Variants in PPARGC1A observed in about 807,000 individuals in gnomAD.
PPARGC1A encodes peroxisome proliferator-activated receptor gamma coactivator 1-alpha.
A neutral mutation model predicts 88.7 loss-of-function variants in PPARGC1A; 25 were observed. The ratio of observed to expected loss-of-function variants is 0.28; its 90% CI spans 0.21 to 0.39. The LOEUF is 0.39. PPARGC1A is among the 10% of genes least tolerant of loss of function. The pLI, the probability that PPARGC1A is intolerant of heterozygous loss-of-function variation, is 1.00. For missense variants in PPARGC1A, 880 were observed against 968.7 expected (o/e 0.91, Z 1.22); for synonymous variants, 363 against 355.6 (o/e 1.02, Z -0.24).
the PPARGC1A span, among the ~76,000 whole-genome samples, chr4:24,094,892 T>TC: frequency 6.6e-6 from 1 of 152,160 alleles, no homozygotes; most frequent in Non-Finnish European, 1.5e-5. Flanking sequence ...AAAGTATGTA[T>TC]AATGACTCTG....
chr4:23,928,759 AAC>A, the PPARGC1A span, among the ~76,000 whole-genome samples: 52,172 of 88,722 alleles, frequency 0.59, 10,181 homozygotes, highest in Non-Finnish European at 0.63. Flanking sequence ...GCCACAAAAA[AAC>A]AAAAAAAACA....
the PPARGC1A span, among the ~76,000 whole-genome samples, chr4:24,472,663 T>TGCTGCCGCCGCC: frequency 6.6e-6 from 1 of 151,496 alleles, no homozygotes; most frequent in Non-Finnish European, 1.5e-5. This position sits in a 1 kb window ranked among gnomAD's most constrained non-coding sequence, Gnocchi z 4.5. Context: ...ATGCTCGGGC[T>TGCTGCCGCCGCC]GCCGCCGCCG....
the PPARGC1A span, among the ~76,000 whole-genome samples, chr4:24,207,782 G>A: frequency 6.6e-6 from 1 of 152,094 alleles, no homozygotes; most frequent in Non-Finnish European, 1.5e-5. Flanking sequence ...TCTAAAACTA[G>A]CCAGAGGAAA....
the PPARGC1A span, among the ~76,000 whole-genome samples, chr4:24,369,815 C>T: frequency 6.6e-6 from 1 of 152,216 alleles, no homozygotes; most frequent in African/African-American, 2.4e-5. Flanking sequence ...CCAAGACTTT[C>T]GTGCCCGCCA....
At chr4:24,244,076 T>G in the PPARGC1A span, among the ~76,000 whole-genome samples, 4 of 152,168 alleles carry the variant, frequency 2.6e-5, no homozygotes, top group African/African-American at 9.7e-5. Context: ...CCTTGGGGCT[T>G]CCTAATAGAA....
chr4:24,020,386 A>G, the PPARGC1A span, among the ~76,000 whole-genome samples: 4 of 152,296 alleles, frequency 2.6e-5, no homozygotes, highest in South Asian at 2.1e-4. Flanking sequence ...TTGAGGGACA[A>G]TTAATATTGA....
chr4:24,210,612 G>A, the PPARGC1A span, among the ~76,000 whole-genome samples: 1 of 152,178 alleles, frequency 6.6e-6, no homozygotes. Context: ...GGGCACAGAC[G>A]CTGGGCACCT....
intron 3 of PPARGC1A, among the ~76,000 whole-genome samples, chr4:23,830,355 G>A (rs1327651623): frequency 1.3e-5 from 2 of 152,150 alleles, no homozygotes; most frequent in African/African-American, 4.8e-5. Flanking sequence ...TTCACTGGAT[G>A]ACCCTCAAGG....
chr4:23,954,427 CTT>C, the PPARGC1A span, among the ~76,000 whole-genome samples: 8 of 151,952 alleles, frequency 5.3e-5, no homozygotes, highest in Non-Finnish European at 8.8e-5. Flanking sequence ...TATATACTCT[CTT>C]ATATTAAAAA....
intron 2 of PPARGC1A, among the ~76,000 whole-genome samples, chr4:23,844,738 A>C (rs183973206): frequency 0.051 from 1,555 of 30,272 alleles, 91 homozygotes; most frequent in African/African-American, 0.19. Context: ...AATATATGAT[A>C]TATCATAATA....
the PPARGC1A span, among the ~76,000 whole-genome samples, chr4:23,943,412 C>A: frequency 6.9e-6 from 1 of 144,674 alleles, no homozygotes; most frequent in African/African-American, 2.6e-5. Context: ...AATACATACC[C>A]CTTGGCTCAA....
chr4:24,036,332 G>A, the PPARGC1A span, among the ~76,000 whole-genome samples: 1 of 152,104 alleles, frequency 6.6e-6, no homozygotes, highest in African/African-American at 2.4e-5. Flanking sequence ...AAACCACTTG[G>A]CAGTGTTTAC....
the PPARGC1A span, among the ~76,000 whole-genome samples, chr4:23,963,573 G>T: frequency 6.6e-6 from 1 of 152,138 alleles, no homozygotes; most frequent in Non-Finnish European, 1.5e-5. Flanking sequence ...GAAACAAGAG[G>T]TATCTTGTCT....
At chr4:23,993,182 C>T in the PPARGC1A span, among the ~76,000 whole-genome samples, 1 of 152,072 alleles carries the variant, frequency 6.6e-6, no homozygotes, top group Non-Finnish European at 1.5e-5. Flanking sequence ...ATTATAGAAA[C>T]TAAATGGAAC....
At chr4:23,898,028 G>A (rs918467200) in intron 1 of PPARGC1A, among the ~76,000 whole-genome samples, 1 of 152,074 alleles carries the variant, frequency 6.6e-6, no homozygotes, top group Non-Finnish European at 1.5e-5. Context: ...TTATATTCAG[G>A]GTTTTGTAAA....
chr4:24,223,897 T>A, the PPARGC1A span, among the ~76,000 whole-genome samples: 1 of 152,252 alleles, frequency 6.6e-6, no homozygotes, highest in Admixed American at 6.5e-5. Flanking sequence ...TACTATGATA[T>A]TACACATGTG....
At chr4:24,147,958 A>G in the PPARGC1A span, among the ~76,000 whole-genome samples, 4 of 151,510 alleles carry the variant, frequency 2.6e-5, no homozygotes, top group Non-Finnish European at 2.9e-5. Context: ...CAAACAAACA[A>G]ACAAAAAAAA....
In PPARGC1A at chr4:23,813,783, G is replaced by A. The variant is rs1052181347; in HGVS notation, c.1700C>T (p.Ser567Phe). ...GTGTCGAGAAAAGGACCTTGAACGA[G>A]AGCGCATCCTTTGGGGTCTTTGAGA... Reference protein sequence around the residue: ...LFSQRPQRMRSRSRSFSRHRS... With the variant: ...LFSQRPQRMRFRSRSFSRHRS... The change falls in exon 8 of 13, where the codon TCT becomes TTT. Residue 567 changes from serine to phenylalanine, a missense_variant. Coordinates refer to ENST00000264867, the MANE Select transcript of PPARGC1A (RefSeq NM_013261.5). 6.2e-7 allele frequency: 1 copy of A among 1,613,444 alleles called. No individual in the cohort carries two copies. The highest frequency in any genetic ancestry group is 8.5e-7 in the Non-Finnish European group (1 of 1,179,350).
At chr4:24,156,556 C>T in the PPARGC1A span, among the ~76,000 whole-genome samples, 1 of 152,104 alleles carries the variant, frequency 6.6e-6, no homozygotes, top group African/African-American at 2.4e-5. Flanking sequence ...AGTTCAGCTG[C>T]AGAGTATATG....
Sources: allele counts gnomAD v4.1 joint callset (sites outside exome capture counted in the v4.1 genomes callset), GRCh38; gene constraint gnomAD v4.1.1; non-coding constraint Gnocchi (gnomAD v3.1); transcripts MANE v1.5; gene names NCBI Gene and HGNC (gene_info 2026-07-23, HGNC 2026-07-21).